Variants in LRRC43 observed in about 807,000 individuals in gnomAD.
LRRC43 encodes the protein leucine rich repeat containing 43.
In LRRC43, 62 loss-of-function variants were observed where a neutral mutation model predicts 64.3. The ratio of observed to expected loss-of-function variants is 0.96; its 90% CI spans 0.79 to 1.19. The LOEUF (loss-of-function observed/expected upper bound fraction) is 1.19, where lower values mean the gene tolerates loss of function less well. LRRC43 is among the 50% of genes most tolerant of loss of function. The pLI is 0.00. For missense variants in LRRC43, 868 were observed against 845.0 expected (o/e 1.03, Z -0.34); for synonymous variants, 422 against 382.3 (o/e 1.10, Z -1.21).
In LRRC43 at chr12:122,200,942, C is replaced by A; in HGVS notation, c.1809+8C>A. The A allele has an allele frequency of 2.5e-6, 4 of 1,583,058 alleles. No homozygotes were observed. The South Asian group carries it at 4.7e-5, about 18-fold the overall frequency. ...AGGCTGACGTTGGCCAGGGTACAGC[C>A]GGGCCCTAGCCACATCCTCCACCTC... On this transcript the variant is annotated splice_region_variant and intron_variant, in intron 10 of 11. Transcript: ENST00000339777. The surrounding 1 kb of genome is among the most constrained non-coding windows in gnomAD (Gnocchi z 4.6).
intron 11 of LRRC43, among the ~76,000 whole-genome samples, 193 bp downstream of exon 11, chr12:122,201,522 G>T (rs1308311591): frequency 6.6e-6 from 1 of 152,210 alleles, no homozygotes; most frequent in Non-Finnish European, 1.5e-5. Flanking sequence ...CTGTGTGGGT[G>T]GTGACCAGGG....
chr12:122,191,981 G>A (rs1302515593), intron 6 of LRRC43, among the ~76,000 whole-genome samples: 1 of 151,824 alleles, frequency 6.6e-6, no homozygotes, highest in Non-Finnish European at 1.5e-5. Flanking sequence ...GGTGATTCAT[G>A]CAAGGACCTG....
Position 122,184,676 on chromosome 12 carries a change from C to T in LRRC43, c.308C>T (p.Ala103Val), listed in dbSNP as rs1190723641. The change falls in exon 2 of 12, where the codon GCA becomes GTA. Residue 103 changes from alanine to valine, a missense_variant. By Grantham distance (64) the Ala-to-Val change is moderately conservative. Coordinates refer to ENST00000339777, the MANE Select transcript of LRRC43 (RefSeq NM_001098519.2). This position sits in a 1 kb window ranked among gnomAD's most constrained non-coding sequence, Gnocchi z 4.0. ...SPWALLNNSN[A>V]EDSFLRELAI... ...TGGGCTCTGCTGAACAACTCGAATG[C>T]AGAAGACAGTTTCCTGAGAGAATTG... 1.2e-6 allele frequency: 2 copies of T among 1,613,994 alleles called. No homozygotes were observed. The highest frequency in any genetic ancestry group is 1.3e-5 in the African/African-American group (1 of 75,038).
intron 1 of LRRC43, among the ~76,000 whole-genome samples, chr12:122,170,903 C>A: frequency 6.6e-6 from 1 of 152,126 alleles, no homozygotes; most frequent in South Asian, 2.1e-4. Flanking sequence ...TCTGTCTCCA[C>A]CCACAGACCT....
chr12:122,168,584 G>C (rs890784901), intron 1 of LRRC43, among the ~76,000 whole-genome samples: 1 of 152,092 alleles, frequency 6.6e-6, no homozygotes, highest in Non-Finnish European at 1.5e-5. Flanking sequence ...CACAGCACCT[G>C]ACCTATTTTA....
Position 122,200,440 on chromosome 12 carries a change from T to C in LRRC43, c.1492-92T>C. 1.2e-6 allele frequency: 2 copies of C among 1,610,166 alleles called. No individual in the cohort carries two copies. The highest frequency in any genetic ancestry group is 8.5e-7 in the Non-Finnish European group (1 of 1,177,082). ...AGCCGCACTCCCTGGTTAGATGAGT[T>C]CTCAGCGCCATTCCAGAAAGGGTGA... On this transcript the variant is annotated intron_variant, in intron 8 of 11. Coordinates refer to ENST00000339777, the MANE Select transcript of LRRC43 (RefSeq NM_001098519.2). This position sits in a 1 kb window ranked among gnomAD's most constrained non-coding sequence, Gnocchi z 4.6.
At chr12:122,197,454 C>A (rs1484031451) in intron 7 of LRRC43, among the ~76,000 whole-genome samples, 1 of 152,058 alleles carries the variant, frequency 6.6e-6, no homozygotes, top group Non-Finnish European at 1.5e-5. Context: ...TGTGAGCCAC[C>A]GCGCCTGGCC....
chr12:122,172,695 G>A (rs1259190864), intron 1 of LRRC43: 3 of 1,613,992 alleles, frequency 1.9e-6, no homozygotes, highest in Non-Finnish European at 2.5e-6. Context: ...GCTGAGACAC[G>A]GCAGCGTGTA....
At chr12:122,173,921 G>T (rs763913368) in intron 1 of LRRC43, 2 of 1,614,006 alleles carry the variant, frequency 1.2e-6, no homozygotes, top group South Asian at 2.2e-5. Context: ...CGTAGTAAAC[G>T]GACGGGCAAC....
intron 7 of LRRC43, among the ~76,000 whole-genome samples, chr12:122,198,613 T>G (rs1240522473): frequency 6.6e-6 from 1 of 150,422 alleles, no homozygotes; most frequent in African/African-American, 2.5e-5. Context: ...TAAGTATCAG[T>G]GCTTCATTCC....
At chr12:122,178,289 C>A (rs1393464001), upstream of LRRC43, among the ~76,000 whole-genome samples, 3 of 152,182 alleles carry the variant, frequency 2.0e-5, no homozygotes, top group Non-Finnish European at 4.4e-5. Flanking sequence ...CCAACCACTT[C>A]CACCTTCTTG....
intron 4 of LRRC43, chr12:122,189,280 C>T (rs530921957): frequency 4.4e-5 from 16 of 365,456 alleles, no homozygotes; most frequent in Middle Eastern, 9.8e-4. Context: ...CTCCTTCCCC[C>T]GAGGAACCTG....
intron 7 of LRRC43, among the ~76,000 whole-genome samples, chr12:122,197,148 C>G (rs895226516): frequency 6.6e-6 from 1 of 152,038 alleles, no homozygotes; most frequent in Non-Finnish European, 1.5e-5. Context: ...TATCATTATC[C>G]CCTAATAAGG....
chr12:122,200,233 T>G lies in LRRC43; in HGVS notation c.1394T>G (p.Ile465Ser). The G allele has an allele frequency of 6.2e-7, 1 of 1,613,996 alleles. No homozygotes were observed. The highest frequency in any genetic ancestry group is 8.5e-7 in the Non-Finnish European group (1 of 1,179,998). The change falls in exon 8 of 12, where the codon ATC becomes AGC. Residue 465 changes from isoleucine (I) to serine (S), a missense_variant. Ile to Ser is a moderately radical substitution (Grantham distance 142, BLOSUM62 -2). Coordinates refer to ENST00000339777, the MANE Select transcript of LRRC43 (RefSeq NM_001098519.2). The surrounding 1 kb of genome is among the most constrained non-coding windows in gnomAD (Gnocchi z 4.6). ...GCCCACAAGCCCTGGGCTGAGGTCA[T>G]CCCCTGCAGTTACGAGATGCAGCAC... ...STAHKPWAEV[I>S]PCSYEMQHSL...
chr12:122,177,411 GT>G (rs1463907752), intron 1 of LRRC43, among the ~76,000 whole-genome samples: 2 of 152,070 alleles, frequency 1.3e-5, no homozygotes, highest in Non-Finnish European at 2.9e-5. Flanking sequence ...AGCTCAGTGA[GT>G]TCCTGAGCAA....
chr12:122,185,796 G>A (rs1381589365), intron 2 of LRRC43, among the ~76,000 whole-genome samples: 2 of 152,160 alleles, frequency 1.3e-5, no homozygotes, highest in Admixed American at 1.3e-4. Flanking sequence ...GAGGAGTCAC[G>A]GATGGGTCAC....
At chr12:122,189,485 C>G in intron 4 of LRRC43, 1 of 456,710 alleles carries the variant, frequency 2.2e-6, no homozygotes, top group Non-Finnish European at 4.4e-6. Flanking sequence ...TTCTCAGAGC[C>G]GAGATCAATT....
At chr12:122,201,065 G>A (rs1953833601) in intron 10 of LRRC43, 131 bp downstream of exon 10, 2 of 1,221,108 alleles carry the variant, frequency 1.6e-6, no homozygotes, top group Admixed American at 2.5e-5. Flanking sequence ...CTTTCCCTGG[G>A]GCATGCAGCT....
intron 7 of LRRC43, among the ~76,000 whole-genome samples, chr12:122,199,697 C>T (rs1213750950): frequency 2.0e-5 from 3 of 152,034 alleles, no homozygotes; most frequent in South Asian, 4.2e-4. Context: ...AATCCTCCTA[C>T]CTCAGCCCCC....
Sources: allele counts gnomAD v4.1 joint callset (sites outside exome capture counted in the v4.1 genomes callset), GRCh38; gene constraint gnomAD v4.1.1; non-coding constraint Gnocchi (gnomAD v3.1); transcripts MANE v1.5; gene names NCBI Gene and HGNC (gene_info 2026-07-23, HGNC 2026-07-21).